Variants in RGS7 observed in about 807,000 individuals in gnomAD.
RGS7 encodes the protein regulator of G-protein signaling 7.
Under a neutral mutation model 81.1 loss-of-function variants are expected in RGS7, and 27 were observed. The observed-to-expected ratio is 0.33, with a 90% CI of 0.25 to 0.46. The LOEUF (loss-of-function observed/expected upper bound fraction) is 0.46. Ranked by LOEUF, RGS7 falls within the 20% of genes least tolerant of loss-of-function variation. The pLI is 1.00. For missense variants in RGS7, 396 were observed against 607.4 expected, an observed-to-expected ratio of 0.65 and a Z score of 3.66; for synonymous variants, 208 against 207.7, an observed-to-expected ratio of 1.00 and a Z score of -0.01.
At chr1:241,276,781 A>G (rs1476431230) in intron 2 of RGS7, among the ~76,000 whole-genome samples, 1 of 152,252 alleles carries the variant, frequency 6.6e-6, no homozygotes, top group East Asian at 1.9e-4. Flanking sequence ...AGCAGTGAAT[A>G]AAATCATAGA....
At chr1:241,052,072 G>C (rs1334366481) in intron 3 of RGS7, among the ~76,000 whole-genome samples, 2 of 152,080 alleles carry the variant, frequency 1.3e-5, no homozygotes, top group Admixed American at 1.3e-4. Context: ...GTTATATACA[G>C]CAGACATGAC....
chr1:241,049,165 A>C (rs2061113429), intron 3 of RGS7, among the ~76,000 whole-genome samples: 1 of 151,976 alleles, frequency 6.6e-6, no homozygotes, highest in Admixed American at 6.6e-5. Context: ...GTAGATCTTT[A>C]ACATATCTTT....
chr1:241,266,519 T>C (rs2077601979), intron 2 of RGS7, among the ~76,000 whole-genome samples: 1 of 152,226 alleles, frequency 6.6e-6, no homozygotes, highest in Admixed American at 6.5e-5. Flanking sequence ...CTCCATTCTA[T>C]TTCCTTTAAT....
chr1:241,256,760 C>T (rs1260723817), intron 2 of RGS7, among the ~76,000 whole-genome samples: 3 of 152,114 alleles, frequency 2.0e-5, no homozygotes, highest in East Asian at 3.9e-4. Context: ...ACCAGGAGGG[C>T]TTCACACTCA....
intron 2 of RGS7, among the ~76,000 whole-genome samples, chr1:241,273,195 C>T (rs2078018764): frequency 8.4e-6 from 1 of 118,512 alleles, no homozygotes; most frequent in Non-Finnish European, 1.7e-5. Context: ...CCAAAGGATA[C>T]ACTCCTTCTT....
At chr1:241,289,143 A>T (rs951390076) in intron 2 of RGS7, among the ~76,000 whole-genome samples, 4 of 152,190 alleles carry the variant, frequency 2.6e-5, no homozygotes, top group African/African-American at 9.7e-5. Context: ...CATACCTGGG[A>T]CAATGCAAGT....
At chr1:241,355,484 G>T (rs1181908683) in intron 2 of RGS7, among the ~76,000 whole-genome samples, 1 of 152,180 alleles carries the variant, frequency 6.6e-6, no homozygotes, top group Non-Finnish European at 1.5e-5. Flanking sequence ...AAACCAGCAG[G>T]GAACACGTGA....
chr1:240,863,061 C>T (rs1662533512), intron 9 of RGS7, among the ~76,000 whole-genome samples: 1 of 152,074 alleles, frequency 6.6e-6, no homozygotes, highest in South Asian at 2.1e-4. Context: ...GCAAGGAATC[C>T]TCTTAGCCTC....
chr1:241,319,607 G>A (rs766240190), intron 2 of RGS7, among the ~76,000 whole-genome samples: 5 of 151,996 alleles, frequency 3.3e-5, no homozygotes, highest in African/African-American at 7.2e-5. Context: ...TCACCGTAAC[G>A]TCAAATTCCT....
At position 241,039,697 on chromosome 1, in the gene RGS7, A is replaced by G. The variant is rs374496370; in HGVS notation, c.176-56568T>C. On this transcript the variant is annotated intron_variant, in intron 3 of 18. Coordinates refer to ENST00000440928, the MANE Select transcript of RGS7 (RefSeq NM_001364886.1). ...GAAATGGGCTGCTTTCTAGGCCTGG[A>G]TAGGAAAATCCCCTGCCCACGATTC... 1.7e-4 allele frequency among the ~76,000 whole-genome samples: 26 copies of G among 152,238 alleles called. 2 individuals are homozygous for G. In the South Asian group the frequency reaches 5.4e-3, roughly 32 times the overall value.
At chr1:240,805,785 C>A (rs1361834032) in intron 15 of RGS7, among the ~76,000 whole-genome samples, 1 of 151,910 alleles carries the variant, frequency 6.6e-6, no homozygotes, top group Non-Finnish European at 1.5e-5. Flanking sequence ...GATTTTAAAT[C>A]TTTTTAAAAA....
intron 2 of RGS7, among the ~76,000 whole-genome samples, chr1:241,160,507 G>GA (rs199692826): frequency 5.5e-4 from 80 of 144,826 alleles, no homozygotes; most frequent in Non-Finnish European, 9.5e-4. Context: ...TAGCAATCAA[G>GA]AACTGGACTC....
chr1:241,212,109 T>G (rs536047471), intron 2 of RGS7, among the ~76,000 whole-genome samples: 1 of 151,668 alleles, frequency 6.6e-6, no homozygotes, highest in Non-Finnish European at 1.5e-5. Context: ...TATTCAATTA[T>G]AATTAATAAA....
chr1:241,309,386 CAAAAAA>C (rs71571833), intron 2 of RGS7, among the ~76,000 whole-genome samples: 3 of 85,286 alleles, frequency 3.5e-5, no homozygotes, highest in African/African-American at 4.6e-5. Context: ...AACTCCAACT[CAAAAAA>C]AAAAAAAAAA....
intron 2 of RGS7, among the ~76,000 whole-genome samples, chr1:241,339,085 T>C (rs1323372937): frequency 6.6e-6 from 1 of 152,162 alleles, no homozygotes; most frequent in Admixed American, 6.5e-5. Flanking sequence ...TTCCCCTCCC[T>C]GTGTCCATCT....
At chr1:241,030,401 CTATAT>C (rs2060022035) in intron 3 of RGS7, among the ~76,000 whole-genome samples, 1 of 118,372 alleles carries the variant, frequency 8.4e-6, no homozygotes. Context: ...CACACACACA[CTATAT>C]ACACATATAT....
chr1:241,025,695 A>T (rs551769625), intron 3 of RGS7, among the ~76,000 whole-genome samples: 2 of 121,270 alleles, frequency 1.6e-5, no homozygotes, highest in Admixed American at 8.0e-5. Context: ...AAATTCTAGA[A>T]GCTTTTTTTT....
intron 2 of RGS7, among the ~76,000 whole-genome samples, chr1:241,111,916 C>T (rs12068910): frequency 0.29 from 43,362 of 152,080 alleles, 9,697 homozygotes; most frequent in African/African-American, 0.63. Flanking sequence ...TGTTCAGTGA[C>T]GCAGAGCCTA....
In RGS7 at chr1:240,793,763, C is replaced by T. The variant is rs1686512200; in HGVS notation, c.*6+6878G>A. Among the ~76,000 whole-genome samples the T allele has an allele frequency of 2.0e-5, 3 of 151,486 alleles. No homozygotes were observed. In the East Asian group the frequency reaches 5.9e-4, roughly 30 times the overall value. ...TAGCTGGGACTACAGGTGTCCGCCA[C>T]CATGGCCAGTTAATTTTTTTTTGTA... On this transcript the variant is annotated intron_variant, in intron 18 of 18. Coordinates refer to ENST00000440928, the MANE Select transcript of RGS7 (RefSeq NM_001364886.1).
Sources: gnomAD v4.1 joint callset for allele counts (sites outside exome capture counted in the v4.1 genomes callset) on GRCh38, gnomAD v4.1.1 for gene constraint, MANE v1.5 for transcripts, NCBI Gene and HGNC (gene_info 2026-07-23, HGNC 2026-07-21) for gene names.